Variants in MSMB observed in about 807,000 individuals in gnomAD.
MSMB encodes the protein beta-microseminoprotein.
MSMB carries 10 observed loss-of-function variants against 10.5 expected under a neutral mutation model. The observed-to-expected ratio is 0.95, with a 90% CI of 0.59 to 1.62. The LOEUF (loss-of-function observed/expected upper bound fraction) is 1.62, where lower values mean the gene tolerates loss of function less well. MSMB is among the 40% of genes most tolerant of loss of function. The pLI is 0.00. For missense variants in MSMB, 126 were observed against 137.4 expected, an observed-to-expected ratio of 0.92 and a Z score of 0.42; for synonymous variants, 43 against 46.5, an observed-to-expected ratio of 0.93 and a Z score of 0.30.
chr10:46,046,089 C>T, intron 1 of MSMB, 146 bp downstream of exon 1: 1 of 824,340 alleles, frequency 1.2e-6, no homozygotes, highest in South Asian at 1.6e-5. Flanking sequence ...ATACTCTGCA[C>T]ATTGAATTGC....
Position 46,033,576 on chromosome 10 carries a change from C to A in MSMB, c.216-25G>T, listed in dbSNP as rs781880895. ...ACTGTCATTGAGACAAAACTGGGGC[C>A]TGTTAGAAGAGAAAGGACCCCGAGC... On this transcript the variant is annotated intron_variant, in intron 3 of 3. Transcript: ENST00000582163. 5.6e-6 allele frequency: 9 copies of A among 1,611,598 alleles called. No homozygotes were observed. In the African/African-American group the frequency reaches 1.1e-4, roughly 19 times the overall value.
At chr10:46,043,828 C>A (rs1840810184) in intron 1 of MSMB, among the ~76,000 whole-genome samples, 1 of 152,108 alleles carries the variant, frequency 6.6e-6, no homozygotes, top group African/African-American at 2.4e-5. Flanking sequence ...GAGTGCACCA[C>A]CACACCTGGC....
Position 46,046,233 on chromosome 10 carries a change from A to G in MSMB, c.3+2T>C. ...CCTTTATATATAAAACCAGTTACCTACCATTGTGATAAGCAGGACTCCTTA... is the reference window on the plus strand; with the variant it reads ...CCTTTATATATAAAACCAGTTACCTGCCATTGTGATAAGCAGGACTCCTTA... On this transcript the variant is annotated splice_donor_variant, in intron 1 of 3. Coordinates refer to ENST00000582163, the MANE Select transcript of MSMB (RefSeq NM_002443.4). LOFTEE classifies it high-confidence loss of function. 1.9e-6 allele frequency: 3 copies of G among 1,611,804 alleles called. No homozygotes were observed. Among genetic ancestry groups the G allele is most frequent in the Non-Finnish European group, 2.5e-6 (3 of 1,177,842 alleles).
chr10:46,039,756 C>T (rs534436753), intron 2 of MSMB, among the ~76,000 whole-genome samples: 29 of 152,314 alleles, frequency 1.9e-4, no homozygotes, highest in Admixed American at 5.9e-4. Flanking sequence ...ATGGCACACA[C>T]CTGTAGTCCC....
chr10:46,037,062 C>T (rs955014993), intron 3 of MSMB, among the ~76,000 whole-genome samples: 2 of 152,194 alleles, frequency 1.3e-5, no homozygotes, highest in Non-Finnish European at 1.5e-5. Context: ...TCCTCTGTTC[C>T]ATTAGGCACC....
chr10:46,040,113 G>C, intron 1 of MSMB, 22 bp from the exon 2 acceptor site: 1 of 1,596,492 alleles, frequency 6.3e-7, no homozygotes, highest in Non-Finnish European at 8.6e-7. Context: ...AGAAAGGTCA[G>C]GGTGGAGAAT....
At position 46,033,379 on chromosome 10, in the gene MSMB, G is replaced by A. The variant is rs782205254; in HGVS notation, c.*43C>T. The A allele has an allele frequency of 6.2e-7, 1 of 1,607,832 alleles. No homozygotes were observed. The highest frequency in any genetic ancestry group is 8.5e-7 in the Non-Finnish European group (1 of 1,176,340). Reference sequence around the variant, plus strand: ...TCATTGACTATTAGAGGCCAGAGGAGAATGAGGCCTGGCCTGGGAGCCCTG... The same window carrying A: ...TCATTGACTATTAGAGGCCAGAGGAAAATGAGGCCTGGCCTGGGAGCCCTG... On this transcript the variant is annotated 3_prime_UTR_variant, in exon 4 of 4. Coordinates refer to ENST00000582163, the MANE Select transcript of MSMB (RefSeq NM_002443.4).
Position 46,046,263 on chromosome 10 carries a change from C to T in MSMB, c.-26G>A, listed in dbSNP as rs367592471. ...TGTGATAAGCAGGACTCCTTATAGA[C>T]AGGTACATCCAGGCAAAGCTGCATC... is the stretch of plus-strand genomic sequence containing the variant. On this transcript the variant is annotated 5_prime_UTR_variant, in exon 1 of 4. Coordinates refer to ENST00000582163, the MANE Select transcript of MSMB (RefSeq NM_002443.4). The T allele has an allele frequency of 1.9e-6, 3 of 1,610,524 alleles. No individual in the cohort carries two copies. Among genetic ancestry groups the T allele is most frequent in the Non-Finnish European group, 2.5e-6 (3 of 1,177,022 alleles).
chr10:46,033,320 A>G lies in MSMB; in HGVS notation c.*102T>C. On this transcript the variant is annotated 3_prime_UTR_variant, in exon 4 of 4. Coordinates refer to ENST00000582163, the MANE Select transcript of MSMB (RefSeq NM_002443.4). ...GACACACATATTCAAGTGTTTGCTC[A>G]AAAATCTTTTTACTGATAGGCATGG... 1 of 1,464,370 alleles carries G rather than the reference A, an allele frequency of 6.8e-7. No homozygotes were observed. Among genetic ancestry groups the G allele is most frequent in the Non-Finnish European group, 9.2e-7 (1 of 1,087,298 alleles). The allele number at this position is 1,464,370 out of a possible 1,614,324, so 90.7% of individuals were successfully genotyped here.
At chr10:46,038,877 C>T in intron 3 of MSMB, 89 bp downstream of exon 3, 2 of 1,120,334 alleles carry the variant, frequency 1.8e-6, no homozygotes, top group Non-Finnish European at 2.7e-6. Flanking sequence ...AAACTAAACC[C>T]CTGAAGATTG....
chr10:46,039,477 A>G (rs531116591), intron 2 of MSMB, among the ~76,000 whole-genome samples: 14 of 152,312 alleles, frequency 9.2e-5, no homozygotes, highest in African/African-American at 3.4e-4. Context: ...CCCTGGGTGC[A>G]CATGTGAAAC....
At chr10:46,038,276 C>T (rs1241640573) in intron 3 of MSMB, among the ~76,000 whole-genome samples, 12 of 151,834 alleles carry the variant, frequency 7.9e-5, no homozygotes, top group Non-Finnish European at 1.3e-4. Flanking sequence ...TTTTACGTTA[C>T]GTATATTTTA....
chr10:46,045,031 G>A (rs1424370007), intron 1 of MSMB, among the ~76,000 whole-genome samples: 4 of 152,078 alleles, frequency 2.6e-5, no homozygotes, highest in Non-Finnish European at 5.9e-5. Context: ...TTGCCGAGTG[G>A]CCCAGAGGAG....
In MSMB at chr10:46,033,496, C is replaced by T. The variant is rs781942897; in HGVS notation, c.271G>A (p.Glu91Lys). ...TCCACCACGATATACTTGCAGTCCT[C>T]CTTCTTGAAGATTCTTTGGCAGTTG... ...KDNCQRIFKKEDCKYIVVEKK... is the reference protein window; with the variant it reads ...KDNCQRIFKKKDCKYIVVEKK... The change falls in exon 4 of 4, where the codon GAG (glutamate) becomes AAG (lysine). Residue 91 changes from glutamate (E) to lysine (K), a missense_variant. By Grantham distance (56) the Glu-to-Lys change is moderately conservative. Coordinates refer to ENST00000582163, the MANE Select transcript of MSMB (RefSeq NM_002443.4). 12 of 1,613,804 alleles carry T rather than the reference C, an allele frequency of 7.4e-6. No homozygotes were observed. Among genetic ancestry groups the T allele is most frequent in the South Asian group, 1.1e-5 (1 of 91,090 alleles).
chr10:46,044,490 G>A (rs1218931069), intron 1 of MSMB, among the ~76,000 whole-genome samples: 1 of 148,890 alleles, frequency 6.7e-6, no homozygotes, highest in South Asian at 2.1e-4. Flanking sequence ...GCAGGAGAAT[G>A]GCGTGAACCC....
chr10:46,040,144 C>A, intron 1 of MSMB, 53 bp from the exon 2 acceptor site: 1 of 1,497,974 alleles, frequency 6.7e-7, no homozygotes, highest in South Asian at 1.2e-5. Flanking sequence ...AAAGGATAAT[C>A]CTTGACTGAG....
At chr10:46,034,000 A>C (rs1380228586) in intron 3 of MSMB, among the ~76,000 whole-genome samples, 1 of 152,260 alleles carries the variant, frequency 6.6e-6, no homozygotes, top group African/African-American at 2.4e-5. Flanking sequence ...CCCAGGGAGA[A>C]GCTGATGAAA....
At chr10:46,045,466 C>G (rs1224189289) in intron 1 of MSMB, among the ~76,000 whole-genome samples, 3 of 152,018 alleles carry the variant, frequency 2.0e-5, no homozygotes, top group African/African-American at 7.2e-5. Context: ...CAGGAAGGTC[C>G]AGGCTGCAGT....
In MSMB at chr10:46,044,575, G is replaced by GAAA. The variant is rs56061175; in HGVS notation, c.3+1657_3+1659dup. 4.0e-3 allele frequency among the ~76,000 whole-genome samples: 155 copies of GAAA among 38,510 alleles called. 25 individuals carry two copies. The East Asian group carries it at 0.059, about 15-fold the overall frequency. 25.3% of individuals were successfully genotyped at this position (38,510 alleles called of 152,430 possible). Reference sequence around the variant, plus strand: ...TGGGCGACAGAGAGACTCCGTCTCAGAAAAAAAAAAAAAAAAAAAAAAAAA... The same window carrying GAAA: ...TGGGCGACAGAGAGACTCCGTCTCAGAAAAAAAAAAAAAAAAAAAAAAAAAAAA... On this transcript the variant is annotated intron_variant, in intron 1 of 3. Coordinates refer to ENST00000582163, the MANE Select transcript of MSMB (RefSeq NM_002443.4).
Sources: allele counts gnomAD v4.1 joint callset (sites outside exome capture counted in the v4.1 genomes callset), GRCh38; gene constraint gnomAD v4.1.1; transcripts MANE v1.5; gene names NCBI Gene and HGNC (gene_info 2026-07-23, HGNC 2026-07-21).